Variants in HGD observed in about 807,000 individuals in gnomAD.
HGD encodes homogentisate oxidase.
In HGD, 61 loss-of-function variants were observed where a neutral mutation model predicts 60.8. The observed-to-expected ratio is 1.00, with a 90% CI of 0.82 to 1.24. HGD has a LOEUF of 1.24. Among genes scored for constraint, HGD ranks in the 50% most tolerant of loss-of-function variants. The pLI is 0.00. For synonymous variants in HGD, 212 were observed against 187.7 expected, an observed-to-expected ratio of 1.13 and a Z score of -1.06; for missense variants, 542 against 547.1, an observed-to-expected ratio of 0.99 and a Z score of 0.09.
At chr3:120,654,868 C>T (rs1342226406) in intron 4 of HGD, among the ~76,000 whole-genome samples, 17 of 151,978 alleles carry the variant, frequency 1.1e-4, no homozygotes, top group Admixed American at 8.5e-4. Flanking sequence ...GTCAGGAGTT[C>T]GAGACAAGCC....
chr3:120,670,576 T>A (rs1708005036), intron 3 of HGD, 44 bp from the exon 4 acceptor site: 2 of 1,090,212 alleles, frequency 1.8e-6, no homozygotes, highest in Non-Finnish European at 2.9e-6. Flanking sequence ...TAGAGTAATG[T>A]TCTGAGTGAT....
intron 12 of HGD, among the ~76,000 whole-genome samples, chr3:120,633,810 T>C (rs1940669325): frequency 6.6e-6 from 1 of 152,200 alleles, no homozygotes; most frequent in African/African-American, 2.4e-5. Context: ...GTGGTTTTGA[T>C]GGATGATAGA....
intron 7 of HGD, 58 bp from the exon 8 acceptor site, chr3:120,647,110 T>A: frequency 7.4e-7 from 1 of 1,344,844 alleles, no homozygotes; most frequent in Non-Finnish European, 1.1e-6. Context: ...AACCATTTCA[T>A]GAACAGGAAA....
intron 1 of HGD, among the ~76,000 whole-genome samples, chr3:120,676,938 T>G (rs1708142557): frequency 6.6e-6 from 1 of 152,228 alleles, no homozygotes; most frequent in Non-Finnish European, 1.5e-5. Flanking sequence ...GAAGATTTCA[T>G]GGACATTTAT....
rs368344978 is a variant in HGD at position 120,652,593 on chromosome 3, C to T, written c.341G>A (p.Ser114Asn). Residue 114 changes from serine to asparagine, a missense_variant and splice_region_variant, in exon 5 of 14, where the codon AGT becomes AAT. Coordinates refer to ENST00000283871, the MANE Select transcript of HGD (RefSeq NM_000187.4). Reference protein sequence around the residue: ...KASQKKVDFVSGLHTLCGAGD... With the variant: ...KASQKKVDFVNGLHTLCGAGD... ...AGGGTGTGGATGGGACTGACTTACA[C>T]TCACAAAGTCTACTTTCTTCTGAGA... 6.2e-7 allele frequency: 1 copy of T among 1,611,554 alleles called. No homozygotes were observed. Among genetic ancestry groups the T allele is most frequent in the Admixed American group, 1.7e-5 (1 of 59,990 alleles).
chr3:120,654,558 C>A (rs941538071), intron 4 of HGD, among the ~76,000 whole-genome samples: 3 of 152,144 alleles, frequency 2.0e-5, no homozygotes, highest in African/African-American at 7.2e-5. Context: ...GCATCTTGGG[C>A]CATACGTGGC....
Position 120,650,779 on chromosome 3 carries a change from C to T in HGD, c.429G>A (p.Glu143=). The change falls in exon 6 of 14, where the codon GAG becomes GAA. Residue 143 remains glutamate (E), a synonymous_variant. Transcript: ENST00000283871. ...CCTAGAACTGAGCCACTTACCTGTTCTCCATGGAGGTATTGCAGAGGAAAA... is the reference window on the plus strand; with the variant it reads ...CCTAGAACTGAGCCACTTACCTGTTTTCCATGGAGGTATTGCAGAGGAAAA... ...IHIFLCNTSM[E]NRCFYNSDGD... is the part of the protein sequence containing the mutation. The T allele has an allele frequency of 1.9e-6, 3 of 1,612,728 alleles. No individual in the cohort carries two copies. The highest frequency in any genetic ancestry group is 1.7e-6 in the Non-Finnish European group (2 of 1,178,652).
At chr3:120,673,391 A>G (rs1175815918) in intron 3 of HGD, among the ~76,000 whole-genome samples, 3 of 152,180 alleles carry the variant, frequency 2.0e-5, no homozygotes, top group Non-Finnish European at 4.4e-5. Flanking sequence ...TCCGGAGACC[A>G]GGTGGCCTGT....
chr3:120,663,668 A>C (rs1707830521), intron 4 of HGD, among the ~76,000 whole-genome samples: 1 of 152,204 alleles, frequency 6.6e-6, no homozygotes, highest in Non-Finnish European at 1.5e-5. Context: ...GAAAAGAAGG[A>C]GGTCTGTTGT....
chr3:120,663,610 G>A (rs1707829079), intron 4 of HGD, among the ~76,000 whole-genome samples: 1 of 152,104 alleles, frequency 6.6e-6, no homozygotes, highest in Non-Finnish European at 1.5e-5. Flanking sequence ...TGCAGGTTTG[G>A]GAATCATGCA....
At position 120,662,835 on chromosome 3, in the gene HGD, A is replaced by AC. The variant is rs748667873; in HGVS notation, c.282+7591dup. Among the ~76,000 whole-genome samples, 9 of 152,260 alleles carry AC rather than the reference A, an allele frequency of 5.9e-5. No individual in the cohort carries two copies. The East Asian group carries it at 1.2e-3, about 20-fold the overall frequency. ...TCCAAATTCATATGTTGAACTCCTAACCCCCTGTATTTCAGAATGTGACTA... is the reference window on the plus strand; with the variant it reads ...TCCAAATTCATATGTTGAACTCCTAACCCCCCTGTATTTCAGAATGTGACTA... On this transcript the variant is annotated intron_variant, in intron 4 of 13. Transcript: ENST00000283871.
chr3:120,634,053 C>G (rs991912), intron 12 of HGD, among the ~76,000 whole-genome samples: 28,203 of 151,946 alleles, frequency 0.19, 2,686 homozygotes, highest in Non-Finnish European at 0.21. Flanking sequence ...AGTCCTAAAT[C>G]TTGAAATTGG....
chr3:120,666,486 G>A (rs929786783), intron 4 of HGD, among the ~76,000 whole-genome samples: 2 of 151,976 alleles, frequency 1.3e-5, no homozygotes, highest in Admixed American at 1.3e-4. Flanking sequence ...TATTATTATT[G>A]TCATTATTAT....
Position 120,628,538 on chromosome 3 carries a change from A to G in HGD, c.1189-9T>C, listed in dbSNP as rs1156720303. 3 of 1,613,808 alleles carry G rather than the reference A, an allele frequency of 1.9e-6. No homozygotes were observed. The South Asian group carries it at 3.3e-5, about 18-fold the overall frequency. On this transcript the variant is annotated splice_polypyrimidine_tract_variant and intron_variant, in intron 13 of 13. Coordinates refer to ENST00000283871, the MANE Select transcript of HGD (RefSeq NM_000187.4). ...GATTCAAACATAAATGCCTGGAGGA[A>G]GTGACGATGGGGATGAGAAAAAAGA...
intron 4 of HGD, among the ~76,000 whole-genome samples, chr3:120,668,094 A>G (rs1707941227): frequency 6.6e-6 from 1 of 152,154 alleles, no homozygotes; most frequent in Non-Finnish European, 1.5e-5. Flanking sequence ...GCATTTTGCA[A>G]TGTGCTTAAA....
chr3:120,652,792 A>C (rs1941384127), intron 4 of HGD, 141 bp from the exon 5 acceptor site: 1 of 659,626 alleles, frequency 1.5e-6, no homozygotes, highest in Non-Finnish European at 2.7e-6. Flanking sequence ...GTTATATTAA[A>C]ATGATTATCC....
intron 12 of HGD, among the ~76,000 whole-genome samples, chr3:120,633,938 T>C (rs996013688): frequency 2.6e-5 from 4 of 152,228 alleles, no homozygotes; most frequent in African/African-American, 9.6e-5. Context: ...ATAACAAATA[T>C]TATCTTCTAT....
chr3:120,677,635 T>C (rs1708156279), intron 1 of HGD, among the ~76,000 whole-genome samples: 1 of 152,208 alleles, frequency 6.6e-6, no homozygotes, highest in Admixed American at 6.5e-5. Context: ...TGTGGTCCTG[T>C]GATCTCACCC....
chr3:120,667,196 C>T (rs770298008), intron 4 of HGD, among the ~76,000 whole-genome samples: 1 of 151,686 alleles, frequency 6.6e-6, no homozygotes, highest in African/African-American at 2.4e-5. Flanking sequence ...CATTGTGGTG[C>T]ACACCTGTAT....
Sources: gnomAD v4.1 joint callset for allele counts (sites outside exome capture counted in the v4.1 genomes callset) on GRCh38, gnomAD v4.1.1 for gene constraint, MANE v1.5 for transcripts, NCBI Gene and HGNC (gene_info 2026-07-23, HGNC 2026-07-21) for gene names.